IL1RAPL2: variants seen among roughly 807,000 people sequenced by gnomAD.
The protein encoded by IL1RAPL2 is X-linked interleukin-1 receptor accessory protein-like 2.
In IL1RAPL2, 3 loss-of-function variants were observed where a neutral mutation model predicts 44.1. The ratio of observed to expected loss-of-function variants is 0.07; its 90% CI spans 0.03 to 0.18. The LOEUF is 0.18. IL1RAPL2 is among the 10% of genes least tolerant of loss of function. The pLI is 1.00. For synonymous variants in IL1RAPL2, 181 were observed against 178.8 expected (o/e 1.01, Z -0.10); for missense variants, 391 against 496.4 (o/e 0.79, Z 2.02).
At chrX:105,384,726 C>T (rs989069546) in intron 5 of IL1RAPL2, among the ~76,000 whole-genome samples, 6 of 110,825 alleles carry the variant, frequency 5.4e-5, no homozygotes, top group Non-Finnish European at 1.1e-4. Flanking sequence ...CACATTCATT[C>T]CTCTAATCCA....
intron 2 of IL1RAPL2, among the ~76,000 whole-genome samples, chrX:104,776,257 C>T (rs992508051): frequency 8.9e-6 from 1 of 111,848 alleles, no homozygotes; most frequent in Non-Finnish European, 1.9e-5. Flanking sequence ...GGAGCAATTG[C>T]ATCTTCACTA....
At chrX:105,218,572 G>A (rs1217989536) in intron 3 of IL1RAPL2, among the ~76,000 whole-genome samples, 1 of 111,178 alleles carries the variant, frequency 9.0e-6, no homozygotes, top group Non-Finnish European at 1.9e-5. Context: ...TCTTTTACCA[G>A]ACACTAGGGC....
At chrX:105,076,515 T>G (rs921144632) in intron 2 of IL1RAPL2, among the ~76,000 whole-genome samples, 7 of 111,624 alleles carry the variant, frequency 6.3e-5, no homozygotes, top group Non-Finnish European at 9.4e-5. Context: ...ATAATGTATA[T>G]TCTGTTGATT....
At chrX:105,548,199 A>G (rs1489924292) in intron 6 of IL1RAPL2, among the ~76,000 whole-genome samples, 1 of 111,631 alleles carries the variant, frequency 9.0e-6, no homozygotes, top group African/African-American at 3.3e-5. Context: ...GAAATTCATA[A>G]TTTACTGTAG....
At chrX:104,844,018 C>A (rs1452996684) in intron 2 of IL1RAPL2, among the ~76,000 whole-genome samples, 2 of 109,926 alleles carry the variant, frequency 1.8e-5, no homozygotes, top group African/African-American at 6.6e-5. Flanking sequence ...AGCTTTTATT[C>A]CCACTATAAA....
At chrX:105,740,397 G>T in intron 7 of IL1RAPL2, 149 bp from the exon 8 acceptor site, 2 of 426,140 alleles carry the variant, frequency 4.7e-6, no homozygotes, top group South Asian at 7.6e-5. Context: ...TTTTCTTGTA[G>T]AAGGTCCCAC....
chrX:104,577,918 A>C (rs1928272712), intron 1 of IL1RAPL2, among the ~76,000 whole-genome samples: 1 of 111,447 alleles, frequency 9.0e-6, no homozygotes, highest in Non-Finnish European at 1.9e-5. Context: ...CAAATATGGA[A>C]AGGCGGGAGG....
intron 6 of IL1RAPL2, among the ~76,000 whole-genome samples, chrX:105,552,323 TAA>T (rs1380875286): frequency 2.7e-5 from 3 of 112,068 alleles, no homozygotes; most frequent in African/African-American, 9.7e-5. Context: ...AAATATATGT[TAA>T]GTCGTATTCT....
intron 2 of IL1RAPL2, among the ~76,000 whole-genome samples, chrX:104,864,813 G>C (rs1342405715): frequency 9.0e-6 from 1 of 111,686 alleles, no homozygotes; most frequent in Non-Finnish European, 1.9e-5. Context: ...ATGTGCAGTG[G>C]GGAAAGGAGA....
chrX:105,730,787 G>T (rs2038399676), intron 7 of IL1RAPL2, among the ~76,000 whole-genome samples: 2 of 111,086 alleles, frequency 1.8e-5, no homozygotes, highest in Admixed American at 9.6e-5. Flanking sequence ...AAGAAATTAA[G>T]AAATAAATTT....
intron 6 of IL1RAPL2, among the ~76,000 whole-genome samples, chrX:105,619,904 G>C (rs1349813749): frequency 4.5e-5 from 5 of 110,358 alleles, no homozygotes; most frequent in Admixed American, 3.9e-4. Context: ...AAGGAGATAG[G>C]TAGATATATG....
chrX:104,784,664 T>C (rs1367640924), intron 2 of IL1RAPL2, among the ~76,000 whole-genome samples: 2 of 110,275 alleles, frequency 1.8e-5, no homozygotes, highest in East Asian at 5.7e-4. Context: ...CACTGAGATC[T>C]GTCCTTTGAA....
At chrX:105,665,862 A>G (rs1028890205) in intron 6 of IL1RAPL2, among the ~76,000 whole-genome samples, 1 of 106,040 alleles carries the variant, frequency 9.4e-6, no homozygotes, top group African/African-American at 3.5e-5. Flanking sequence ...TCCTGAGTTC[A>G]TGCCATTCTC....
intron 5 of IL1RAPL2, among the ~76,000 whole-genome samples, chrX:105,352,171 C>G (rs1007619356): frequency 3.6e-5 from 4 of 111,812 alleles, no homozygotes; most frequent in African/African-American, 1.3e-4. Flanking sequence ...CTCAAGAGAT[C>G]TGCCTGCCTC....
At chrX:105,749,912 G>A (rs1175409480) in intron 9 of IL1RAPL2, among the ~76,000 whole-genome samples, 1 of 111,711 alleles carries the variant, frequency 9.0e-6, no homozygotes, top group Non-Finnish European at 1.9e-5. Flanking sequence ...TGTATAGAAT[G>A]CCACAGGTAA....
chrX:105,584,812 A>C (rs1300645228), intron 6 of IL1RAPL2, among the ~76,000 whole-genome samples: 2 of 110,986 alleles, frequency 1.8e-5, no homozygotes, highest in Non-Finnish European at 3.8e-5. Context: ...GTTTTGAGAA[A>C]TGTGGAAATC....
chrX:104,700,306 T>C (rs1224037529), intron 2 of IL1RAPL2, among the ~76,000 whole-genome samples: 1 of 111,739 alleles, frequency 8.9e-6, no homozygotes, highest in Non-Finnish European at 1.9e-5. Context: ...CAGGGCAGCT[T>C]CAGAGACCTG....
At chrX:105,231,056 T>A (rs1323622001) in intron 3 of IL1RAPL2, among the ~76,000 whole-genome samples, 1 of 111,964 alleles carries the variant, frequency 8.9e-6, no homozygotes, top group Non-Finnish European at 1.9e-5. Flanking sequence ...TAATTGAAAA[T>A]TTTTTAACAA....
intron 5 of IL1RAPL2, among the ~76,000 whole-genome samples, chrX:105,360,102 TTAAC>T (rs2035236906): frequency 9.0e-6 from 1 of 111,262 alleles, no homozygotes; most frequent in African/African-American, 3.3e-5. Flanking sequence ...ATTACTATAC[TTAAC>T]TATTACTTAT....
Sources: allele counts gnomAD v4.1 joint callset (sites outside exome capture counted in the v4.1 genomes callset), GRCh38; gene constraint gnomAD v4.1.1; transcripts MANE v1.5; gene names NCBI Gene and HGNC (gene_info 2026-07-23, HGNC 2026-07-21).